Variants in ASL observed in about 807,000 individuals in gnomAD.
ASL encodes the protein argininosuccinate lyase, also known as argininosuccinase.
In ASL, 51 loss-of-function variants were observed where a neutral mutation model predicts 69.1. That is an observed-to-expected ratio of 0.74 (90% CI 0.59 to 0.93). The LOEUF (loss-of-function observed/expected upper bound fraction) is 0.93. Among genes scored for constraint, ASL ranks in the 40% least tolerant of loss-of-function variants. ASL has a pLI of 0.00. For missense variants in ASL, 540 were observed against 623.9 expected (o/e 0.87, Z 1.43); for synonymous variants, 241 against 247.6 (o/e 0.97, Z 0.25).
Position 66,081,842 on chromosome 7 carries a change from G to A in ASL, c.52G>A (p.Asp18Asn), listed in dbSNP as rs572094840. The stretch of plus-strand genomic sequence containing the variant: ...GGGTGGCCGGTTTGTGGGTGCAGTG[G>A]ACCCCATCATGGAGAAGTTCAACGC... ...LWGGRFVGAV[D>N]PIMEKFNASI... Residue 18 changes from aspartate to asparagine, a missense_variant, in exon 3 of 17, where the codon GAC becomes AAC. Transcript: ENST00000304874. The A allele has an allele frequency of 5.0e-6, 8 of 1,613,984 alleles. No individual in the cohort carries two copies. The African/African-American group carries it at 9.3e-5, about 19-fold the overall frequency.
intron 14 of ASL, 75 bp from the exon 15 acceptor site, chr7:66,091,930 AG>A: frequency 6.7e-7 from 1 of 1,490,520 alleles, no homozygotes; most frequent in South Asian, 1.1e-5. Context: ...GTCCTGGCAG[AG>A]GGGCAGGTCC....
intron 14 of ASL, among the ~76,000 whole-genome samples, 160 bp downstream of exon 14, chr7:66,089,855 A>G (rs975242678): frequency 2.0e-5 from 3 of 152,184 alleles, no homozygotes; most frequent in African/African-American, 4.8e-5. Context: ...GGGAAAGGAC[A>G]GAAACTGCTG....
chr7:66,087,879 G>C (rs952254453), intron 10 of ASL, 88 bp downstream of exon 10: 26 of 1,519,644 alleles, frequency 1.7e-5, no homozygotes, highest in South Asian at 1.5e-4. Flanking sequence ...ACACCTCCAC[G>C]GACAGGCTGG....
intron 6 of ASL, among the ~76,000 whole-genome samples, chr7:66,084,373 G>C (rs1786598998): frequency 6.6e-6 from 1 of 151,904 alleles, no homozygotes; most frequent in African/African-American, 2.4e-5. Context: ...TGTTGACCAG[G>C]CTGGTCTTGA....
intron 14 of ASL, among the ~76,000 whole-genome samples, chr7:66,090,591 A>G (rs1786813419): frequency 6.6e-6 from 1 of 152,096 alleles, no homozygotes. Context: ...TTTAAAATCA[A>G]TTATTATGGG....
At chr7:66,076,173 C>T (rs1208729642) in intron 2 of ASL, 80 bp downstream of exon 2, 1 of 1,535,066 alleles carries the variant, frequency 6.5e-7, no homozygotes, top group Non-Finnish European at 8.8e-7. Flanking sequence ...TCGGGCCACC[C>T]TGCTGGGAAT....
chr7:66,082,412 T>C lies in ASL; in HGVS notation c.252T>C (p.Asn84=), dbSNP rs1246679761. The C allele has an allele frequency of 1.9e-6, 3 of 1,612,500 alleles. No individual in the cohort carries two copies. The highest frequency in any genetic ancestry group is 2.5e-6 in the Non-Finnish European group (3 of 1,179,744). ...AGGGCACCTTCAAACTGAACTCCAA[T>C]GATGAGGACATCCACACAGCCAATG... ...WAQGTFKLNS[N]DEDIHTANER... The change falls in exon 4 of 17, where the codon AAT becomes AAC. Residue 84 remains asparagine, a synonymous_variant. Transcript: ENST00000304874.
rs1244967184 is a variant in ASL at position 66,089,256 on chromosome 7, G to A, written c.919-20G>A. 7 of 1,611,268 alleles carry A rather than the reference G, an allele frequency of 4.3e-6. No individual in the cohort carries two copies. The African/African-American group carries it at 8.0e-5, about 18-fold the overall frequency. On this transcript the variant is annotated intron_variant, in intron 12 of 16. Coordinates refer to ENST00000304874, the MANE Select transcript of ASL (RefSeq NM_000048.4). ...GGGCAGGATCCCGGGTCCAGCCCCT[G>A]TGCCTCCCTCTTCCCGCAGTGTGCC...
At chr7:66,088,225 A>G (rs1786726602) in intron 10 of ASL, among the ~76,000 whole-genome samples, 1 of 152,056 alleles carries the variant, frequency 6.6e-6, no homozygotes, top group South Asian at 2.1e-4. Flanking sequence ...TCACGCCCGT[A>G]ATCCTAGCAC....
At chr7:66,092,501 G>A (rs539419081) in intron 15 of ASL, 56 bp from the exon 16 acceptor site, 138 of 1,477,422 alleles carry the variant, frequency 9.3e-5, no homozygotes, top group Non-Finnish European at 1.2e-4. Context: ...GGCAATGGAG[G>A]CAGATCAGGG....
At chr7:66,087,243 CGTGTGTGTGTGTGTGTGTGTGTGTGTGT>C in intron 8 of ASL, 63 bp from the exon 9 acceptor site, 1 of 975,790 alleles carries the variant, frequency 1.0e-6, no homozygotes, top group Non-Finnish European at 1.6e-6. Flanking sequence ...TGTGTGCGTT[CGTGTGTGTGTGTGTGTGTGTGTGTGTGT>C]GTGTGTGTGT....
rs1451968011 is a variant in ASL at position 66,085,481 on chromosome 7, C to A, written c.447-1104C>A. Among the ~76,000 whole-genome samples the A allele has an allele frequency of 2.0e-5, 3 of 151,002 alleles. No homozygotes were observed. The East Asian group carries it at 5.9e-4, about 30-fold the overall frequency. On this transcript the variant is annotated intron_variant, in intron 6 of 16. Transcript: ENST00000304874. Reference sequence around the variant, plus strand: ...GAGCGAAACTCTTTCTCAAAAACAACAACAACAAAAAAACAGGCCAGGTAT... The same window carrying A: ...GAGCGAAACTCTTTCTCAAAAACAAAAACAACAAAAAAACAGGCCAGGTAT...
chr7:66,080,342 T>C (rs316336), intron 2 of ASL, among the ~76,000 whole-genome samples: 111,381 of 140,194 alleles, frequency 0.79, 44,663 homozygotes, highest in African/African-American at 0.92. Flanking sequence ...GCCAAGATCC[T>C]GCCACTGCAC....
At chr7:66,076,740 A>G (rs1466252416) in intron 2 of ASL, among the ~76,000 whole-genome samples, 1 of 151,972 alleles carries the variant, frequency 6.6e-6, no homozygotes, top group Non-Finnish European at 1.5e-5. Flanking sequence ...TTATCTGGCA[A>G]TGGGGGTAAT....
At chr7:66,078,165 G>T (rs928077346) in intron 2 of ASL, among the ~76,000 whole-genome samples, 1 of 152,180 alleles carries the variant, frequency 6.6e-6, no homozygotes, top group South Asian at 2.1e-4. Flanking sequence ...CCAGGAGCCC[G>T]CTGGGGGAGG....
rs376560894 is a variant in ASL at position 66,082,866 on chromosome 7, C to T, written c.292-14C>T. On this transcript the variant is annotated splice_polypyrimidine_tract_variant and intron_variant, in intron 4 of 16. Coordinates refer to ENST00000304874, the MANE Select transcript of ASL (RefSeq NM_000048.4). ...GGGTATAGACCGTGACCCTGGGTCT[C>T]CCTTCACCTCCAGGAGCTCATTGGT... The T allele has an allele frequency of 2.2e-5, 36 of 1,613,400 alleles. No individual in the cohort carries two copies. The highest frequency in any genetic ancestry group is 3.3e-5 in the Admixed American group (2 of 59,956).
intron 8 of ASL, 32 bp from the exon 9 acceptor site, chr7:66,087,301 AG>A (rs754763341): frequency 1.8e-5 from 29 of 1,592,112 alleles, no homozygotes. Flanking sequence ...GCCTGCCAGG[AG>A]CCCTGGTCAC....
intron 5 of ASL, 64 bp from the exon 6 acceptor site, chr7:66,083,013 C>T (rs1039167123): frequency 1.6e-5 from 26 of 1,610,428 alleles, no homozygotes; most frequent in South Asian, 4.4e-5. Context: ...AGTTCTGCAG[C>T]GGTCCTGGCT....
At chr7:66,077,304 A>C (rs1786375228) in intron 2 of ASL, among the ~76,000 whole-genome samples, 1 of 152,132 alleles carries the variant, frequency 6.6e-6, no homozygotes, top group Non-Finnish European at 1.5e-5. Flanking sequence ...GGTGGCGTAC[A>C]CCTGTAGTCT....
Sources: gnomAD v4.1 joint callset for allele counts (sites outside exome capture counted in the v4.1 genomes callset) on GRCh38, gnomAD v4.1.1 for gene constraint, MANE v1.5 for transcripts, NCBI Gene and HGNC (gene_info 2026-07-23, HGNC 2026-07-21) for gene names.